The following MBP variants were observed in gnomAD, a reference collection of about 807,000 sequenced individuals.
MBP encodes the protein Golli-MBP.
In MBP, 16 loss-of-function variants were observed where a neutral mutation model predicts 35.8. The observed-to-expected ratio is 0.45, with a 90% CI of 0.30 to 0.68. MBP has a LOEUF of 0.68. Ranked by LOEUF, MBP falls within the 30% of genes least tolerant of loss-of-function variation. The pLI, the probability that MBP is intolerant of heterozygous loss-of-function variation, is 0.08. For synonymous variants in MBP, 143 were observed against 159.6 expected (o/e 0.90, Z 0.78); for missense variants, 380 against 404.7 (o/e 0.94, Z 0.52).
At chr18:76,986,069 G>C (rs1448627385) in intron 7 of MBP, 5 of 985,542 alleles carry the variant, frequency 5.1e-6, no homozygotes, top group Non-Finnish European at 6.0e-6. Context: ...TGGGAGTCTG[G>C]GCGCGGTGGA....
At chr18:77,045,034 C>T (rs1021774416) in intron 3 of MBP, among the ~76,000 whole-genome samples, 4 of 151,668 alleles carry the variant, frequency 2.6e-5, no homozygotes, top group African/African-American at 4.8e-5. Flanking sequence ...TACTGATAAG[C>T]GGATAGATAC....
At chr18:76,993,203 G>A (rs560902593) in intron 4 of MBP, among the ~76,000 whole-genome samples, 36 of 152,308 alleles carry the variant, frequency 2.4e-4, no homozygotes, top group Admixed American at 2.2e-3. Flanking sequence ...TACCACAAAA[G>A]TGAAGCAGAC....
At chr18:77,068,159 A>T (rs1294466214) in intron 2 of MBP, among the ~76,000 whole-genome samples, 1 of 152,200 alleles carries the variant, frequency 6.6e-6, no homozygotes, top group East Asian at 1.9e-4. Context: ...GGTGTGATTA[A>T]CAGATAAAAA....
chr18:77,116,771 A>G (rs543496426), intron 1 of MBP, among the ~76,000 whole-genome samples: 1 of 152,296 alleles, frequency 6.6e-6, no homozygotes, highest in African/African-American at 2.4e-5. Flanking sequence ...AGGCAGGAGA[A>G]TCTCTTGAAC....
At chr18:76,987,883 C>T in intron 7 of MBP, 4 of 1,063,110 alleles carry the variant, frequency 3.8e-6, no homozygotes, top group Non-Finnish European at 4.6e-6. Flanking sequence ...TTTAAACCTT[C>T]CTTGAAAGTT....
chr18:77,032,415 C>CT (rs1432273375), intron 3 of MBP, among the ~76,000 whole-genome samples: 1 of 152,234 alleles, frequency 6.6e-6, no homozygotes, highest in Non-Finnish European at 1.5e-5. Context: ...CCAATGCCTC[C>CT]TTTGTGTGCC....
chr18:77,045,899 G>T (rs1228991224), intron 3 of MBP, among the ~76,000 whole-genome samples: 1 of 152,170 alleles, frequency 6.6e-6, no homozygotes, highest in African/African-American at 2.4e-5. Context: ...TAGCACAGCC[G>T]CGAGGTGAGT....
At chr18:77,090,409 C>CT (rs2145015585) in intron 2 of MBP, among the ~76,000 whole-genome samples, 1 of 152,354 alleles carries the variant, frequency 6.6e-6, no homozygotes, top group Admixed American at 6.5e-5. Context: ...AGCTACCACT[C>CT]TGAGTCTCAG....
At chr18:77,066,472 A>T (rs1974204137) in intron 2 of MBP, 87 bp from the exon 3 acceptor site, 2 of 886,568 alleles carry the variant, frequency 2.3e-6, no homozygotes, top group Admixed American at 1.8e-5. Flanking sequence ...CTCTTTATAA[A>T]TTTTTTATCA....
chr18:77,018,736 C>T (rs1971822983), intron 3 of MBP, among the ~76,000 whole-genome samples: 1 of 146,128 alleles, frequency 6.8e-6, no homozygotes, highest in East Asian at 2.2e-4. Context: ...ATCCACCCCT[C>T]CATCTATCCA....
intron 2 of MBP, among the ~76,000 whole-genome samples, chr18:77,067,662 C>G (rs973777511): frequency 6.6e-6 from 1 of 152,196 alleles, no homozygotes; most frequent in Non-Finnish European, 1.5e-5. Context: ...GTGCTACCCA[C>G]CAGCAGCACC....
chr18:77,117,340 T>C (rs1441253157), intron 1 of MBP, among the ~76,000 whole-genome samples: 1 of 152,258 alleles, frequency 6.6e-6, no homozygotes, highest in African/African-American at 2.4e-5. Context: ...CATTCTGAAC[T>C]TGAACTTTTC....
intron 3 of MBP, among the ~76,000 whole-genome samples, chr18:77,029,789 CACAA>C (rs891610914): frequency 3.9e-5 from 4 of 102,830 alleles, no homozygotes; most frequent in African/African-American, 5.7e-5. Flanking sequence ...CACACACACA[CACAA>C]ACACACACAC....
At chr18:77,003,141 G>A (rs1281510025) in intron 4 of MBP, 3 of 152,150 alleles carry the variant, frequency 2.0e-5, no homozygotes, top group African/African-American at 7.2e-5. Flanking sequence ...TTTAAAAGAC[G>A]CATTTCTATG....
At chr18:77,061,534 C>G (rs1369877295) in intron 3 of MBP, among the ~76,000 whole-genome samples, 1 of 152,128 alleles carries the variant, frequency 6.6e-6, no homozygotes, top group Non-Finnish European at 1.5e-5. Context: ...AAGCACACAG[C>G]TAAAAGGTGG....
intron 2 of MBP, among the ~76,000 whole-genome samples, chr18:77,103,635 C>T (rs983720999): frequency 6.6e-6 from 1 of 152,218 alleles, no homozygotes; most frequent in African/African-American, 2.4e-5. Context: ...CAAGGGCCGC[C>T]CCCATACAAA....
chr18:77,065,987 A>T (rs983503436), intron 3 of MBP: 1 of 270,374 alleles, frequency 3.7e-6, no homozygotes, highest in Non-Finnish European at 7.0e-6. Flanking sequence ...CCTCCCAAGT[A>T]TCTGGGGCCA....
At position 77,105,055 on chromosome 18, in the gene MBP, A is replaced by C. The variant is rs71283561; in HGVS notation, c.51+156T>G. ...AATCAATCGTAATAAATCATAATTA[A>C]TTATTAATAATAATTAACAAGGACC... On this transcript the variant is annotated intron_variant, in intron 2 of 8. Transcript: ENST00000355994. 6.9e-3 allele frequency among the ~76,000 whole-genome samples: 930 copies of C among 133,906 alleles called. 5 individuals carry two copies. Among genetic ancestry groups the C allele is most frequent in the African/African-American group, 0.022 (857 of 39,144 alleles). 87.8% of individuals were successfully genotyped at this position (133,906 alleles called of 152,430 possible).
intron 2 of MBP, chr18:77,069,123 C>A (rs1974326096): frequency 4.4e-6 from 2 of 454,278 alleles, no homozygotes; most frequent in South Asian, 3.1e-5. Context: ...ACTGTGAGAA[C>A]AAGAACAGTG....
Sources: gnomAD v4.1 joint callset for allele counts (sites outside exome capture counted in the v4.1 genomes callset) on GRCh38, gnomAD v4.1.1 for gene constraint, MANE v1.5 for transcripts, NCBI Gene and HGNC (gene_info 2026-07-23, HGNC 2026-07-21) for gene names.